The following SCN8A variants were observed in gnomAD, a reference collection of about 807,000 sequenced individuals.
The protein encoded by SCN8A is sodium voltage-gated channel alpha subunit 8, also known as sodium channel protein type 8 subunit alpha.
Under a neutral mutation model 184.1 loss-of-function variants are expected in SCN8A, and 30 were observed. The ratio of observed to expected loss-of-function variants is 0.16; its 90% confidence interval spans 0.12 to 0.22. The LOEUF (loss-of-function observed/expected upper bound fraction) is 0.22, where lower values mean the gene tolerates loss of function less well. Ranked by LOEUF, SCN8A falls within the 10% of genes least tolerant of loss-of-function variation. The pLI, the probability that SCN8A is intolerant of heterozygous loss-of-function variation, is 1.00. For synonymous variants in SCN8A, 852 were observed against 907.0 expected (o/e 0.94, Z 1.09); for missense variants, 1,057 against 2,498.9 (o/e 0.42, Z 12.30).
At chr12:51,668,725 C>T (rs928618853) in intron 2 of SCN8A, among the ~76,000 whole-genome samples, 7 of 152,066 alleles carry the variant, frequency 4.6e-5, no homozygotes, top group Admixed American at 3.9e-4. Flanking sequence ...TTATCAATAC[C>T]GCCAGTTATT....
intron 1 of SCN8A, among the ~76,000 whole-genome samples, chr12:51,644,483 A>G (rs2039409818): frequency 6.6e-6 from 1 of 152,242 alleles, no homozygotes; most frequent in Non-Finnish European, 1.5e-5. Flanking sequence ...ATTAAAAACA[A>G]TTATTGGAAG....
chr12:51,701,795 T>C (rs1321288965), intron 8 of SCN8A, among the ~76,000 whole-genome samples: 1 of 152,200 alleles, frequency 6.6e-6, no homozygotes, highest in African/African-American at 2.4e-5. Flanking sequence ...CAGAGGGCTT[T>C]ATAAATGTAG....
rs368185806 is a variant in SCN8A, at chr12:51,749,054, T to G, written c.2132-2301T>G. On this transcript the variant is annotated intron_variant, in intron 13 of 26. Transcript: ENST00000627620. Reference sequence around the variant, plus strand: ...AACCTTTGGACATCTCACCCCTAGATGTTAACCCATTCCCCCAAGCCAAAT... The same window carrying G: ...AACCTTTGGACATCTCACCCCTAGAGGTTAACCCATTCCCCCAAGCCAAAT... Among the ~76,000 whole-genome samples, 172 of 152,376 alleles carry G rather than the reference T, an allele frequency of 1.1e-3. 3 individuals are homozygous for G. The South Asian group carries it at 0.027, about 24-fold the overall frequency.
rs776961915 is a variant in SCN8A at position 51,786,529 on chromosome 12, C to T, written c.3943-13C>T. The T allele has an allele frequency of 6.2e-7, 1 of 1,613,930 alleles. No homozygotes were observed. Among genetic ancestry groups the T allele is most frequent in the Non-Finnish European group, 8.5e-7 (1 of 1,179,964 alleles). On this transcript the variant is annotated splice_polypyrimidine_tract_variant and intron_variant, in intron 21 of 26. Transcript: ENST00000627620. ...TTCCACCCAACACTGAGCAACCTCC[C>T]CTTCCAATGCAGGTGGTGGTGAATG...
chr12:51,785,536 T>C (rs764955542), intron 21 of SCN8A, among the ~76,000 whole-genome samples: 3 of 152,236 alleles, frequency 2.0e-5, no homozygotes, highest in Non-Finnish European at 4.4e-5. Context: ...CAATGCAGTC[T>C]AAGGCAAAAC....
chr12:51,769,758 T>C (rs1192462037), intron 17 of SCN8A, 110 bp from the exon 18 acceptor site: 4 of 740,436 alleles, frequency 5.4e-6, no homozygotes, highest in Non-Finnish European at 9.5e-6. Flanking sequence ...GTAAGAATTC[T>C]AGAGAGGAGT....
chr12:51,752,418 TCA>T (rs149943877), intron 14 of SCN8A, among the ~76,000 whole-genome samples: 4 of 150,390 alleles, frequency 2.7e-5, no homozygotes, highest in Non-Finnish European at 4.4e-5. Flanking sequence ...TCTCCCTCTC[TCA>T]CACACACACA....
chr12:51,741,442 T>A (rs762594689), intron 12 of SCN8A, among the ~76,000 whole-genome samples: 5 of 152,094 alleles, frequency 3.3e-5, no homozygotes, highest in Admixed American at 6.5e-5. Flanking sequence ...TATTGGAGAG[T>A]TTAGTTTATT....
chr12:51,677,946 C>T (rs1862921209), intron 2 of SCN8A, among the ~76,000 whole-genome samples: 1 of 152,200 alleles, frequency 6.6e-6, no homozygotes, highest in African/African-American at 2.4e-5. Context: ...ACTTCATGGG[C>T]ACCAAGTGAT....
intron 1 of SCN8A, among the ~76,000 whole-genome samples, chr12:51,636,247 C>T (rs758139006): frequency 2.6e-5 from 4 of 152,302 alleles, no homozygotes; most frequent in East Asian, 1.9e-4. Flanking sequence ...CCGCCTGCCT[C>T]GGCCTCCCAA....
At chr12:51,609,383 G>A (rs1939667254) in intron 1 of SCN8A, among the ~76,000 whole-genome samples, 1 of 152,178 alleles carries the variant, frequency 6.6e-6, no homozygotes, top group African/African-American at 2.4e-5. Flanking sequence ...AGTGCCGTTA[G>A]TATTGAAGTC....
intron 1 of SCN8A, among the ~76,000 whole-genome samples, chr12:51,623,818 T>C (rs1565863375): frequency 1.3e-5 from 2 of 152,098 alleles, no homozygotes; most frequent in Non-Finnish European, 2.9e-5. Flanking sequence ...CCTGTGTCCA[T>C]GTGTTCTCAT....
chr12:51,787,825 T>C (rs908558117), intron 22 of SCN8A, among the ~76,000 whole-genome samples: 1 of 152,212 alleles, frequency 6.6e-6, no homozygotes, highest in East Asian at 1.9e-4. Flanking sequence ...GAATGAACTG[T>C]AGTTTTTCCT....
chr12:51,793,916 A>C (rs1938337005), intron 25 of SCN8A, among the ~76,000 whole-genome samples: 1 of 152,006 alleles, frequency 6.6e-6, no homozygotes, highest in Non-Finnish European at 1.5e-5. Context: ...AGGCCAAGGA[A>C]GACAGATCAC....
chr12:51,738,084 A>T (rs532856859), intron 12 of SCN8A, among the ~76,000 whole-genome samples: 1 of 152,316 alleles, frequency 6.6e-6, no homozygotes, highest in South Asian at 2.1e-4. Flanking sequence ...GCCATCAAAA[A>T]TGATTTCCTA....
intron 12 of SCN8A, chr12:51,723,003 AT>A (rs1437553635): frequency 1.3e-5 from 2 of 152,178 alleles, no homozygotes; most frequent in Non-Finnish European, 2.9e-5. Context: ...ATGTTAGTCT[AT>A]TTCTTTCTAA....
chr12:51,657,674 T>TGA (rs1299351059), intron 1 of SCN8A, among the ~76,000 whole-genome samples: 2 of 152,216 alleles, frequency 1.3e-5, no homozygotes, highest in South Asian at 4.1e-4. Flanking sequence ...CCTGTGCTTT[T>TGA]GAGGTCTTCT....
chr12:51,739,132 T>C (rs573899), intron 12 of SCN8A, among the ~76,000 whole-genome samples: 134,682 of 152,202 alleles, frequency 0.88, 59,824 homozygotes, highest in East Asian at 0.98. Context: ...CGGCCTGACT[T>C]GCTGATTTTT....
intron 12 of SCN8A, among the ~76,000 whole-genome samples, chr12:51,723,803 G>A (rs965714260): frequency 6.6e-6 from 1 of 151,742 alleles, no homozygotes; most frequent in Non-Finnish European, 1.5e-5. Flanking sequence ...AGCCAAGATT[G>A]CGCCACTGCA....
Sources: gnomAD v4.1 joint callset for allele counts (sites outside exome capture counted in the v4.1 genomes callset) on GRCh38, gnomAD v4.1.1 for gene constraint, MANE v1.5 for transcripts, NCBI Gene and HGNC (gene_info 2026-07-23, HGNC 2026-07-21) for gene names.